The following RIMOC1 variants were observed in gnomAD, a reference collection of about 807,000 sequenced individuals.
The protein encoded by RIMOC1 is RAB7A interacting MON1-CCZ1 complex subunit 1, also known as RAB7A-interacting MON1-CCZ1 complex subunit 1.
At chr5:41,912,118 G>C in the RIMOC1 span, 56 of 1,612,104 alleles carry the variant, frequency 3.5e-5, no homozygotes, top group African/African-American at 6.7e-4. Context: ...AATTATCGAT[G>C]TCCTATCCAG....
At chr5:41,910,904 A>G in the RIMOC1 span, 1 of 734,434 alleles carries the variant, frequency 1.4e-6, no homozygotes, top group Non-Finnish European at 2.2e-6. Flanking sequence ...ATTGAAAATA[A>G]GGCCTCCCTG....
At chr5:41,908,747 T>C in the RIMOC1 span, among the ~76,000 whole-genome samples, 2 of 152,058 alleles carry the variant, frequency 1.3e-5, no homozygotes, top group Non-Finnish European at 2.9e-5. Context: ...TTCACGAGAG[T>C]GTTCCAGACA....
the RIMOC1 span, chr5:41,910,957 G>A: frequency 2.1e-6 from 3 of 1,452,898 alleles, no homozygotes; most frequent in Admixed American, 2.1e-5. Flanking sequence ...ACTTGAGAAT[G>A]TTTTTAATCG....
the RIMOC1 span, chr5:41,904,369 T>C: frequency 1.9e-6 from 3 of 1,613,070 alleles, no homozygotes; most frequent in South Asian, 2.2e-5. Flanking sequence ...ATTGTGGCCA[T>C]GGCGGCCGCA....
chr5:41,919,134 C>T, the RIMOC1 span: 2 of 152,064 alleles, frequency 1.3e-5, no homozygotes, highest in Non-Finnish European at 2.9e-5. Flanking sequence ...CTTTCTAAAC[C>T]TTGTTTCTAA....
At chr5:41,916,430 A>T in the RIMOC1 span, 9 of 956,716 alleles carry the variant, frequency 9.4e-6, no homozygotes, top group African/African-American at 1.4e-4. Flanking sequence ...ATTCTGCAGC[A>T]TACTCTCTTT....
At chr5:41,918,636 C>T in the RIMOC1 span, 1 of 985,364 alleles carries the variant, frequency 1.0e-6, no homozygotes, top group Non-Finnish European at 1.2e-6. Flanking sequence ...ACAAGTGTCT[C>T]ACTTCAGCCT....
chr5:41,905,340 G>C, the RIMOC1 span, among the ~76,000 whole-genome samples: 31 of 152,278 alleles, frequency 2.0e-4, no homozygotes, highest in East Asian at 6.0e-3. Context: ...GGAGTGTTTT[G>C]TTTTGTTTTG....
At chr5:41,904,354 C>G in the RIMOC1 span, 10 of 1,612,782 alleles carry the variant, frequency 6.2e-6, no homozygotes, top group Non-Finnish European at 7.6e-6. Flanking sequence ...GGGGCGCACC[C>G]GCCGATTGTG....
chr5:41,914,382 A>G, the RIMOC1 span, among the ~76,000 whole-genome samples: 1 of 152,122 alleles, frequency 6.6e-6, no homozygotes, highest in South Asian at 2.1e-4. Flanking sequence ...GCTTGAACCT[A>G]GGAGGCGGAG....
At chr5:41,913,931 C>T in the RIMOC1 span, among the ~76,000 whole-genome samples, 2 of 152,110 alleles carry the variant, frequency 1.3e-5, no homozygotes, top group African/African-American at 4.8e-5. Flanking sequence ...TTTCAGATAA[C>T]TAGGAACCAA....
At chr5:41,911,173 T>A in the RIMOC1 span, 6 of 1,600,548 alleles carry the variant, frequency 3.7e-6, no homozygotes, top group Non-Finnish European at 4.3e-6. Context: ...CCAGTTTGCT[T>A]AAAAAGGTAA....
the RIMOC1 span, chr5:41,909,728 C>CTT: frequency 8.9e-4 from 1,109 of 1,244,116 alleles, no homozygotes; most frequent in South Asian, 1.4e-3. Flanking sequence ...AGATATCTTT[C>CTT]TTTTTTTTTT....
the RIMOC1 span, among the ~76,000 whole-genome samples, chr5:41,906,470 T>A: frequency 6.6e-6 from 1 of 152,166 alleles, no homozygotes; most frequent in South Asian, 2.1e-4. Context: ...TCAATGCAAA[T>A]CTTTACATTG....
At chr5:41,911,175 A>T in the RIMOC1 span, 2 of 1,600,772 alleles carry the variant, frequency 1.2e-6, no homozygotes, top group Non-Finnish European at 1.7e-6. Flanking sequence ...AGTTTGCTTA[A>T]AAAGGTAAGA....
At chr5:41,909,316 C>T in the RIMOC1 span, among the ~76,000 whole-genome samples, 7 of 152,090 alleles carry the variant, frequency 4.6e-5, no homozygotes, top group African/African-American at 1.7e-4. Context: ...ACGCCCCTCA[C>T]GCTGGCTCTG....
the RIMOC1 span, among the ~76,000 whole-genome samples, chr5:41,914,603 TAA>T: frequency 1.4e-4 from 17 of 124,980 alleles, no homozygotes; most frequent in African/African-American, 1.2e-4. Context: ...CTGCAAAAAC[TAA>T]AAAAAAAAAA....
the RIMOC1 span, among the ~76,000 whole-genome samples, chr5:41,906,358 T>C: frequency 6.6e-5 from 10 of 152,226 alleles, no homozygotes; most frequent in African/African-American, 1.9e-4. Context: ...CTGCATTTTA[T>C]GGGCTTTTCC....
the RIMOC1 span, chr5:41,918,819 T>C: frequency 1.1e-6 from 1 of 934,698 alleles, no homozygotes; most frequent in Non-Finnish European, 1.3e-6. Flanking sequence ...GGTCAACTTG[T>C]ATTTACCAAC....
Sources: gnomAD v4.1 joint callset for allele counts (sites outside exome capture counted in the v4.1 genomes callset) on GRCh38, gnomAD v4.1.1 for gene constraint, MANE v1.5 for transcripts, NCBI Gene and HGNC (gene_info 2026-07-23, HGNC 2026-07-21) for gene names.